SPOCK3: variants seen among roughly 807,000 people sequenced by gnomAD.
SPOCK3 encodes testican-3.
A neutral mutation model predicts 56.6 loss-of-function variants in SPOCK3; 30 were observed. That is an observed-to-expected ratio of 0.53 (90% CI 0.40 to 0.72). SPOCK3 has a LOEUF of 0.72. Ranked by LOEUF, SPOCK3 falls within the 30% of genes least tolerant of loss-of-function variation. The probability of loss-of-function intolerance (pLI) is 0.00; values close to 1 mark genes in which losing one functional copy is unlikely to be tolerated. For missense variants in SPOCK3, 527 were observed against 530.0 expected, an observed-to-expected ratio of 0.99 and a Z score of 0.06; for synonymous variants, 196 against 183.3, an observed-to-expected ratio of 1.07 and a Z score of -0.56.
intron 7 of SPOCK3, among the ~76,000 whole-genome samples, chr4:166,783,760 A>G (rs1560852990): frequency 6.6e-6 from 1 of 152,010 alleles, no homozygotes; most frequent in Non-Finnish European, 1.5e-5. Flanking sequence ...TACTTTTTCT[A>G]TTGGTTTTAA....
chr4:166,870,549 A>G (rs1732349841), intron 6 of SPOCK3, among the ~76,000 whole-genome samples: 2 of 152,136 alleles, frequency 1.3e-5, no homozygotes, highest in Non-Finnish European at 2.9e-5. Flanking sequence ...TCAATAAGAG[A>G]GATAGTTGAA....
At chr4:166,888,644 A>T (rs1485270030) in intron 6 of SPOCK3, among the ~76,000 whole-genome samples, 1 of 152,054 alleles carries the variant, frequency 6.6e-6, no homozygotes, top group Non-Finnish European at 1.5e-5. Context: ...TGGTCAAAAA[A>T]AAGTTTAACT....
intron 6 of SPOCK3, among the ~76,000 whole-genome samples, chr4:166,798,786 A>G (rs1742240066): frequency 6.6e-6 from 1 of 152,352 alleles, no homozygotes; most frequent in East Asian, 1.9e-4. Flanking sequence ...ATAGTTATTC[A>G]TTATATAATG....
intron 4 of SPOCK3, among the ~76,000 whole-genome samples, chr4:166,973,915 A>G (rs1047855000): frequency 6.6e-6 from 1 of 152,198 alleles, no homozygotes; most frequent in Non-Finnish European, 1.5e-5. Context: ...TTTTAAAAAA[A>G]TCTTTACTTA....
At chr4:166,766,711 T>C (rs541560729) in intron 7 of SPOCK3, among the ~76,000 whole-genome samples, 51 of 152,298 alleles carry the variant, frequency 3.3e-4, no homozygotes, top group African/African-American at 1.2e-3. Context: ...ATAAAATGAG[T>C]TAGGGAGGAT....
chr4:167,109,177 T>C lies in SPOCK3; in HGVS notation c.190-46640A>G, dbSNP rs866981343. ...TAAATATTATATATTTATATAAAAA[T>C]ATATATAAATATTATATATTTATAT... On this transcript the variant is annotated intron_variant, in intron 2 of 10. Transcript: ENST00000357545. Among the ~76,000 whole-genome samples the C allele has an allele frequency of 5.1e-5, 4 of 78,598 alleles. No individual in the cohort carries two copies. In the East Asian group the frequency reaches 1.5e-3, roughly 30 times the overall value. 51.6% of individuals were successfully genotyped at this position (78,598 alleles called of 152,430 possible).
At chr4:166,892,195 G>C (rs528192966) in intron 5 of SPOCK3, among the ~76,000 whole-genome samples, 1 of 152,012 alleles carries the variant, frequency 6.6e-6, no homozygotes, top group East Asian at 1.9e-4. Flanking sequence ...GTTTCAGCTT[G>C]TAGCTTTCTT....
chr4:166,927,127 A>T lies in SPOCK3; in HGVS notation c.351-14384T>A, dbSNP rs1231426293. 2.6e-5 allele frequency among the ~76,000 whole-genome samples: 4 copies of T among 152,214 alleles called. No individual in the cohort carries two copies. The South Asian group carries it at 8.3e-4, about 32-fold the overall frequency. The stretch of plus-strand genomic sequence containing the variant: ...TACTTGTTGGAAGACATAATACAGA[A>T]TAATTTCAAATAATTTCTTCAATAA... On this transcript the variant is annotated intron_variant, in intron 4 of 10. Coordinates refer to ENST00000357545, the MANE Select transcript of SPOCK3 (RefSeq NM_001040159.2).
intron 2 of SPOCK3, among the ~76,000 whole-genome samples, chr4:167,065,493 A>G (rs2150253467): frequency 6.6e-6 from 1 of 152,034 alleles, no homozygotes; most frequent in East Asian, 1.9e-4. Context: ...ATAAAAATCT[A>G]TAATCACAAT....
At chr4:167,060,024 A>G (rs890890688) in intron 3 of SPOCK3, among the ~76,000 whole-genome samples, 5 of 151,240 alleles carry the variant, frequency 3.3e-5, no homozygotes, top group African/African-American at 1.2e-4. Flanking sequence ...GTGGGGAGGG[A>G]TAGCTTTAGG....
At chr4:167,022,814 A>T (rs1751322833) in intron 3 of SPOCK3, among the ~76,000 whole-genome samples, 2 of 152,002 alleles carry the variant, frequency 1.3e-5, no homozygotes, top group South Asian at 2.1e-4. Context: ...GGTTATGGAC[A>T]TGGGAAGAAC....
intron 2 of SPOCK3, among the ~76,000 whole-genome samples, chr4:167,231,454 G>T (rs1201213056): frequency 6.6e-6 from 1 of 151,992 alleles, no homozygotes; most frequent in East Asian, 1.9e-4. Flanking sequence ...CAAATAAGAG[G>T]TTCAGAATTC....
At chr4:166,999,809 C>A (rs1365026863) in intron 4 of SPOCK3, among the ~76,000 whole-genome samples, 1 of 152,054 alleles carries the variant, frequency 6.6e-6, no homozygotes, top group Non-Finnish European at 1.5e-5. Context: ...TACTTGAAAT[C>A]CTCCCTTCTT....
chr4:167,124,396 C>T (rs923095323), intron 2 of SPOCK3, among the ~76,000 whole-genome samples: 1 of 152,116 alleles, frequency 6.6e-6, no homozygotes, highest in African/African-American at 2.4e-5. Context: ...TCTAAAACCC[C>T]TCTTATTTCT....
intron 2 of SPOCK3, among the ~76,000 whole-genome samples, chr4:167,132,925 C>A (rs1214970521): frequency 6.6e-6 from 1 of 152,172 alleles, no homozygotes; most frequent in African/African-American, 2.4e-5. Context: ...AAAATCCTTT[C>A]TTCCAATCAA....
intron 3 of SPOCK3, among the ~76,000 whole-genome samples, chr4:167,022,974 AGTCCCCAAG>A (rs1412652162): frequency 2.0e-5 from 3 of 152,010 alleles, no homozygotes; most frequent in Non-Finnish European, 4.4e-5. Flanking sequence ...CTCTTTTTCT[AGTCCCCAAG>A]GTCTTTCCTC....
chr4:167,147,379 C>T (rs1764053171), intron 2 of SPOCK3, among the ~76,000 whole-genome samples: 1 of 152,030 alleles, frequency 6.6e-6, no homozygotes, highest in Non-Finnish European at 1.5e-5. Context: ...ACCAGAGGTA[C>T]TCCATTGTGC....
rs182638992 is a variant in SPOCK3, at chr4:167,222,845, G to A, written c.189+11140C>T. ...TATAAACATAGATATATATTGATATGTGAATATATAAATATATAAACATAG... is the reference window on the plus strand; with the variant it reads ...TATAAACATAGATATATATTGATATATGAATATATAAATATATAAACATAG... On this transcript the variant is annotated intron_variant, in intron 2 of 10. Transcript: ENST00000357545. Among the ~76,000 whole-genome samples, 688 of 117,846 alleles carry A rather than the reference G, an allele frequency of 5.8e-3. 18 individuals are homozygous for A. Among genetic ancestry groups the A allele is most frequent in the Non-Finnish European group, 8.6e-3 (511 of 59,424 alleles). 77.3% of individuals were successfully genotyped at this position (117,846 alleles called of 152,430 possible).
chr4:167,139,531 ATAAT>A (rs1277797413), intron 2 of SPOCK3, among the ~76,000 whole-genome samples: 1 of 152,030 alleles, frequency 6.6e-6, no homozygotes, highest in African/African-American at 2.4e-5. Flanking sequence ...ATGTTGGGTA[ATAAT>A]TAATAGTCAA....
Sources: gnomAD v4.1 joint callset for allele counts (sites outside exome capture counted in the v4.1 genomes callset) on GRCh38, gnomAD v4.1.1 for gene constraint, MANE v1.5 for transcripts, NCBI Gene and HGNC (gene_info 2026-07-23, HGNC 2026-07-21) for gene names.